Variants in PLEKHA7 observed in about 807,000 individuals in gnomAD.
PLEKHA7 encodes pleckstrin homology domain containing A7.
Under a neutral mutation model 170.0 loss-of-function variants are expected in PLEKHA7, and 104 were observed. That is an observed-to-expected ratio of 0.61 (90% CI 0.52 to 0.72). The LOEUF (loss-of-function observed/expected upper bound fraction) is 0.72, where lower values mean the gene tolerates loss of function less well. Ranked by LOEUF, PLEKHA7 falls within the 30% of genes least tolerant of loss-of-function variation. PLEKHA7 has a pLI of 0.00. For synonymous variants in PLEKHA7, 648 were observed against 660.8 expected (o/e 0.98, Z 0.30); for missense variants, 1,615 against 1,671.7 (o/e 0.97, Z 0.59).
At chr11:16,945,235 C>T (rs1860953638) in intron 3 of PLEKHA7, among the ~76,000 whole-genome samples, 1 of 152,146 alleles carries the variant, frequency 6.6e-6, no homozygotes, top group Admixed American at 6.6e-5. Flanking sequence ...CATGCCCGGC[C>T]CCAAAAGAGT....
At chr11:16,922,891 G>A (rs1859202614) in intron 3 of PLEKHA7, among the ~76,000 whole-genome samples, 1 of 152,288 alleles carries the variant, frequency 6.6e-6, no homozygotes. Flanking sequence ...CCAGGACAGA[G>A]GCCTCCACTG....
intron 4 of PLEKHA7, among the ~76,000 whole-genome samples, chr11:16,863,201 C>T (rs776349430): frequency 2.6e-5 from 4 of 152,120 alleles, no homozygotes; most frequent in South Asian, 2.1e-4. Context: ...CAAAATGAAC[C>T]GCCTTTAGCA....
At chr11:16,995,892 T>C (rs752625369) in intron 3 of PLEKHA7, among the ~76,000 whole-genome samples, 1 of 152,194 alleles carries the variant, frequency 6.6e-6, no homozygotes, top group Admixed American at 6.5e-5. Flanking sequence ...TTTAAAACCT[T>C]AGTTAAACCT....
rs1259167208 is a variant in PLEKHA7 at position 16,915,352 on chromosome 11, TTTTTTA to T, written c.222-44176_222-44171del. ...TCCTCTCATATCTGGCCAAGTGGAC[TTTTTTA>T]TTTTTAATTTATTATTATTATACTT... On this transcript the variant is annotated intron_variant, in intron 3 of 26. Coordinates refer to ENST00000531066, the MANE Select transcript of PLEKHA7 (RefSeq NM_001329630.2). Among the ~76,000 whole-genome samples the T allele has an allele frequency of 1.1e-4, 16 of 152,288 alleles. No individual in the cohort carries two copies. In the South Asian group the frequency reaches 1.7e-3, roughly 16 times the overall value.
At chr11:16,889,581 G>T (rs1403719499) in intron 3 of PLEKHA7, among the ~76,000 whole-genome samples, 1 of 151,216 alleles carries the variant, frequency 6.6e-6, no homozygotes, top group Non-Finnish European at 1.5e-5. Flanking sequence ...CAGCCTGAGT[G>T]ACAGGAGTCA....
chr11:16,887,263 A>G lies in PLEKHA7; in HGVS notation c.222-16081T>C, dbSNP rs531215795. 1.1e-4 allele frequency among the ~76,000 whole-genome samples: 17 copies of G among 151,994 alleles called. No homozygotes were observed. In the South Asian group the frequency reaches 3.5e-3, roughly 32 times the overall value. ...GGAGTTCAAGACCAGCATGGGCAATATGGCAAAACCCCATCTCTACTAAAA... is the reference window on the plus strand; with the variant it reads ...GGAGTTCAAGACCAGCATGGGCAATGTGGCAAAACCCCATCTCTACTAAAA... On this transcript the variant is annotated intron_variant, in intron 3 of 26. Transcript: ENST00000531066.
intron 10 of PLEKHA7, among the ~76,000 whole-genome samples, chr11:16,821,305 C>T (rs1485811771): frequency 2.6e-5 from 4 of 152,206 alleles, no homozygotes; most frequent in Non-Finnish European, 5.9e-5. Flanking sequence ...CTCTATCCCT[C>T]ACCCCAACAT....
intron 21 of PLEKHA7, 195 bp downstream of exon 21, chr11:16,790,603 A>G: frequency 1.7e-6 from 1 of 591,116 alleles, no homozygotes; most frequent in East Asian, 2.8e-5. Context: ...AGATGTAACA[A>G]AAGAGGAAGA....
chr11:16,877,898 T>G (rs1855424758), intron 3 of PLEKHA7, among the ~76,000 whole-genome samples: 1 of 152,178 alleles, frequency 6.6e-6, no homozygotes, highest in Non-Finnish European at 1.5e-5. Flanking sequence ...GGAACATACA[T>G]GAAAGAACCT....
At chr11:16,884,230 C>T (rs1237050520) in intron 3 of PLEKHA7, among the ~76,000 whole-genome samples, 5 of 152,142 alleles carry the variant, frequency 3.3e-5, no homozygotes, top group African/African-American at 1.2e-4. Context: ...GCATCAGAGA[C>T]TTCAAATTCA....
At chr11:16,933,805 G>A (rs1025928643) in intron 3 of PLEKHA7, among the ~76,000 whole-genome samples, 2 of 152,190 alleles carry the variant, frequency 1.3e-5, no homozygotes, top group African/African-American at 4.8e-5. Context: ...TGGGTATAGG[G>A]AGAAAGTGGC....
intron 3 of PLEKHA7, among the ~76,000 whole-genome samples, chr11:16,930,713 T>C (rs537256140): frequency 2.0e-5 from 3 of 152,280 alleles, no homozygotes; most frequent in Admixed American, 1.3e-4. Context: ...CATGAGGCCT[T>C]TATTTAGAGA....
intron 3 of PLEKHA7, among the ~76,000 whole-genome samples, chr11:16,925,931 C>T (rs555563304): frequency 3.3e-5 from 5 of 152,206 alleles, no homozygotes; most frequent in Non-Finnish European, 5.9e-5. Context: ...GGGAAAAGGG[C>T]GGAGGGGCAG....
At chr11:16,802,385 C>T (rs1007522152) in intron 15 of PLEKHA7, among the ~76,000 whole-genome samples, 1 of 152,164 alleles carries the variant, frequency 6.6e-6, no homozygotes. Context: ...ACCCTGCTTC[C>T]CTGGGGTTCA....
At chr11:16,988,575 T>C (rs1044477999) in intron 3 of PLEKHA7, among the ~76,000 whole-genome samples, 1 of 152,154 alleles carries the variant, frequency 6.6e-6, no homozygotes, top group African/African-American at 2.4e-5. Context: ...GCCTCTCAAG[T>C]AGCTGGAATT....
chr11:16,976,490 G>A (rs1287741418), intron 3 of PLEKHA7, among the ~76,000 whole-genome samples: 1 of 152,214 alleles, frequency 6.6e-6, no homozygotes, highest in Non-Finnish European at 1.5e-5. Flanking sequence ...GGTGTGGTAC[G>A]GGGCCAGAAT....
At chr11:16,892,426 G>T (rs556646402) in intron 3 of PLEKHA7, among the ~76,000 whole-genome samples, 1 of 77,064 alleles carries the variant, frequency 1.3e-5, no homozygotes, top group Non-Finnish European at 3.3e-5. Context: ...GTGTGTGTGT[G>T]TGTGTGTGTT....
At chr11:16,809,190 G>T in intron 13 of PLEKHA7, among the ~76,000 whole-genome samples, 1 of 152,158 alleles carries the variant, frequency 6.6e-6, no homozygotes, top group East Asian at 1.9e-4. Flanking sequence ...AGAGCAGAGT[G>T]TCCCGTTGTA....
chr11:16,890,354 G>A (rs193054409), intron 3 of PLEKHA7, among the ~76,000 whole-genome samples: 5 of 152,144 alleles, frequency 3.3e-5, no homozygotes, highest in Non-Finnish European at 5.9e-5. Flanking sequence ...ACAGGCTGGT[G>A]GAATGGATTT....
Sources: gnomAD v4.1 joint callset for allele counts (sites outside exome capture counted in the v4.1 genomes callset) on GRCh38, gnomAD v4.1.1 for gene constraint, MANE v1.5 for transcripts, NCBI Gene and HGNC (gene_info 2026-07-23, HGNC 2026-07-21) for gene names.